ARHGEF9: variants seen among roughly 807,000 people sequenced by gnomAD.
The protein encoded by ARHGEF9 is rho guanine nucleotide exchange factor 9.
Under a neutral mutation model 41.3 loss-of-function variants are expected in ARHGEF9, and 2 were observed. The ratio of observed to expected loss-of-function variants is 0.05; its 90% confidence interval spans 0.02 to 0.15. ARHGEF9 has a LOEUF of 0.15. ARHGEF9 is among the 10% of genes least tolerant of loss of function. The pLI, the probability that ARHGEF9 is intolerant of heterozygous loss-of-function variation, is 1.00. For missense variants in ARHGEF9, 225 were observed against 424.7 expected (o/e 0.53, Z 4.13); for synonymous variants, 160 against 154.4 (o/e 1.04, Z -0.27).
chrX:63,783,021 C>T (rs1174046254), intron 1 of ARHGEF9, among the ~76,000 whole-genome samples: 1 of 112,209 alleles, frequency 8.9e-6, no homozygotes, highest in Non-Finnish European at 1.9e-5. Context: ...TGTCTCAGTC[C>T]TCTAAGAATA....
At chrX:63,737,702 C>T (rs2054701948) in intron 1 of ARHGEF9, among the ~76,000 whole-genome samples, 1 of 112,287 alleles carries the variant, frequency 8.9e-6, no homozygotes, top group Non-Finnish European at 1.9e-5. Context: ...CTGCTCAGAA[C>T]ATCACAATTG....
At chrX:63,730,232 CAT>C (rs1397464690) in intron 1 of ARHGEF9, among the ~76,000 whole-genome samples, 3 of 112,335 alleles carry the variant, frequency 2.7e-5, no homozygotes, top group African/African-American at 9.7e-5. Context: ...TTGTAGAAAA[CAT>C]ATGCTGCAAA....
At chrX:63,734,055 C>T (rs782518359) in intron 1 of ARHGEF9, among the ~76,000 whole-genome samples, 1 of 112,578 alleles carries the variant, frequency 8.9e-6, no homozygotes, top group East Asian at 2.8e-4. Context: ...TTGTTGCTTG[C>T]TTGTCTGGAC....
Position 63,702,993 on chromosome X carries a change from G to C in ARHGEF9, c.402+3265C>G, listed in dbSNP as rs782524687. On this transcript the variant is annotated intron_variant, in intron 3 of 9. Transcript: ENST00000671741. ...TCCTGAACCCAGCACTCCCAATTCT[G>C]AGTCTGGTATTCTTTCTGATAAACC... Among the ~76,000 whole-genome samples, 5 of 111,849 alleles carry C rather than the reference G, an allele frequency of 4.5e-5. No individual in the cohort carries two copies. In the Admixed American group the frequency reaches 4.7e-4, roughly 11 times the overall value.
At position 63,774,052 on chromosome X, in the gene ARHGEF9, TC is replaced by T. The variant is rs1556456556; in HGVS notation, c.30+11063del. The stretch of plus-strand genomic sequence containing the variant: ...ATGAGCAAATCCATTATAATATCTA[TC>T]TATCTATCTATCTATCTATCTATCT... On this transcript the variant is annotated intron_variant, in intron 1 of 9. Transcript: ENST00000671741. Among the ~76,000 whole-genome samples, 3 of 91,652 alleles carry T rather than the reference TC, an allele frequency of 3.3e-5. No homozygotes were observed. The East Asian group carries it at 9.3e-4, about 28-fold the overall frequency. The allele number at this position is 91,652 out of a possible 115,157, so 79.6% of individuals were successfully genotyped here.
chrX:63,665,184 T>C (rs1204148077), intron 7 of ARHGEF9, among the ~76,000 whole-genome samples: 2 of 111,899 alleles, frequency 1.8e-5, no homozygotes, highest in Non-Finnish European at 1.9e-5. Context: ...GAGTATCCCA[T>C]AAGGAGGAGT....
At chrX:63,645,643 G>T (rs1293043287) in intron 8 of ARHGEF9, among the ~76,000 whole-genome samples, 1 of 111,866 alleles carries the variant, frequency 8.9e-6, no homozygotes, top group East Asian at 2.8e-4. Context: ...GGACATTTGG[G>T]TTGGTTCCAA....
At chrX:63,658,127 A>G (rs2048986502) in intron 7 of ARHGEF9, 1 of 112,060 alleles carries the variant, frequency 8.9e-6, no homozygotes, top group African/African-American at 3.2e-5. Flanking sequence ...CATCAATTGA[A>G]TCTCCTATTG....
intron 1 of ARHGEF9, among the ~76,000 whole-genome samples, chrX:63,776,548 G>C (rs1456591147): frequency 9.0e-6 from 1 of 111,563 alleles, no homozygotes; most frequent in Admixed American, 9.5e-5. Context: ...TTAGCTTGTT[G>C]GCTAGATTTG....
At chrX:63,655,926 G>C (rs1286601887) in intron 7 of ARHGEF9, among the ~76,000 whole-genome samples, 189 bp from the exon 8 acceptor site, 1 of 111,962 alleles carries the variant, frequency 8.9e-6, no homozygotes, top group Non-Finnish European at 1.9e-5. Context: ...GATGCCCAAA[G>C]AAAAAGCCTC....
In ARHGEF9 at chrX:63,724,637, T is replaced by A; in HGVS notation, c.105A>T (p.Ala35=). The A allele has an allele frequency of 8.3e-7, 1 of 1,211,550 alleles. No homozygotes were observed. The highest frequency in any genetic ancestry group is 1.1e-6 in the Non-Finnish European group (1 of 895,419). Residue 35 remains alanine (A), a synonymous_variant, in exon 2 of 10, where the codon GCA becomes GCT. Transcript: ENST00000671741. ...CTTTGATGACGTCGCCAGCTTTAAATGCCAACTCCCGGTTGGCCATGGTGA... is the reference window on the plus strand; with the variant it reads ...CTTTGATGACGTCGCCAGCTTTAAAAGCCAACTCCCGGTTGGCCATGGTGA... ...DHVTMANREL[A]FKAGDVIKVL...
chrX:63,712,232 G>T (rs1556407315), intron 2 of ARHGEF9, among the ~76,000 whole-genome samples: 1 of 111,925 alleles, frequency 8.9e-6, no homozygotes. Context: ...AAAAAGTTAA[G>T]CATATAGTTA....
chrX:63,666,118 G>A (rs2049525513), intron 6 of ARHGEF9, 101 bp from the exon 7 acceptor site: 1 of 1,045,046 alleles, frequency 9.6e-7, no homozygotes, highest in Non-Finnish European at 1.3e-6. Context: ...GATAGGAAGA[G>A]GCCAGAAAGG....
intron 1 of ARHGEF9, among the ~76,000 whole-genome samples, chrX:63,739,198 T>G (rs1218160742): frequency 6.3e-5 from 7 of 110,952 alleles, no homozygotes; most frequent in Non-Finnish European, 1.3e-4. Flanking sequence ...TGTGAGGAGG[T>G]GCGGGTGACC....
chrX:63,779,356 C>T (rs1458916527), intron 1 of ARHGEF9, among the ~76,000 whole-genome samples: 9 of 112,318 alleles, frequency 8.0e-5, no homozygotes, highest in South Asian at 3.7e-4. Flanking sequence ...GGAGGCCTCA[C>T]GATCACGGCA....
chrX:63,643,300 G>T (rs1257603290), intron 9 of ARHGEF9, among the ~76,000 whole-genome samples: 1 of 111,069 alleles, frequency 9.0e-6, no homozygotes, highest in Non-Finnish European at 1.9e-5. Flanking sequence ...TGTGATTTGG[G>T]TCTCCTGATT....
rs181928954 is a variant in ARHGEF9 at position 63,637,367 on chromosome X, G to A, written c.*661C>T. The A allele has an allele frequency of 3.4e-6, 1 of 294,374 alleles. No homozygotes were observed. Among genetic ancestry groups the A allele is most frequent in the African/African-American group, 2.8e-5 (1 of 36,210 alleles). The allele number at this position is 294,374 out of a possible 1,213,427, so 24.3% of individuals were successfully genotyped here. A position where few individuals can be genotyped will look rare whatever the true frequency, so the allele number is the denominator to read the frequency against. On this transcript the variant is annotated 3_prime_UTR_variant, in exon 10 of 10. Transcript: ENST00000671741. ...CAGTTTTGTCACAGGGCACAACAGA[G>A]CATGTCCAGACTGGCATGACTGAGG...
chrX:63,648,583 C>T (rs2048296219), intron 8 of ARHGEF9, among the ~76,000 whole-genome samples: 1 of 111,449 alleles, frequency 9.0e-6, no homozygotes, highest in Admixed American at 9.6e-5. Context: ...ATGACAGGAT[C>T]AGATTCACAC....
In ARHGEF9 at chrX:63,674,787, TC is replaced by T. The variant is rs1288129638; in HGVS notation, c.816-621del. The stretch of plus-strand genomic sequence containing the variant: ...AGTTTGGCAGTTACTCAAGAGACTT[TC>T]CCCCCTACCTCCTTCTGTGCCTGAG... On this transcript the variant is annotated intron_variant, in intron 5 of 9. Transcript: ENST00000671741. Among the ~76,000 whole-genome samples the T allele has an allele frequency of 1.6e-4, 18 of 111,350 alleles. No homozygotes were observed. In the East Asian group the frequency reaches 5.1e-3, roughly 32 times the overall value.
Sources: allele counts gnomAD v4.1 joint callset (sites outside exome capture counted in the v4.1 genomes callset), GRCh38; gene constraint gnomAD v4.1.1; transcripts MANE v1.5; gene names NCBI Gene and HGNC (gene_info 2026-07-23, HGNC 2026-07-21).